The following FYN variants were observed in gnomAD, a reference collection of about 807,000 sequenced individuals.
The protein encoded by FYN is FYN proto-oncogene, Src family tyrosine kinase.
In FYN, 10 loss-of-function variants were observed where a neutral mutation model predicts 70.2. The ratio of observed to expected loss-of-function variants is 0.14; its 90% CI spans 0.09 to 0.24. The LOEUF is 0.24. Among genes scored for constraint, FYN ranks in the 10% least tolerant of loss-of-function variants. The probability of loss-of-function intolerance (pLI) is 1.00; values close to 1 mark genes in which losing one functional copy is unlikely to be tolerated. For synonymous variants in FYN, 236 were observed against 248.6 expected (o/e 0.95, Z 0.48); for missense variants, 319 against 673.1 (o/e 0.47, Z 5.82).
rs1224664280 is a variant in FYN at position 111,718,416 on chromosome 6, T to C, written c.247+1389A>G. On this transcript the variant is annotated intron_variant, in intron 4 of 13. Coordinates refer to ENST00000354650, the MANE Select transcript of FYN (RefSeq NM_002037.5). ...ATCAGGTAGCCTCTTAAACAAAGAC[T>C]CCTCCTGACTACGGTGGAGACCCAC... Among the ~76,000 whole-genome samples, 15 of 152,272 alleles carry C rather than the reference T, an allele frequency of 9.9e-5. No individual in the cohort carries two copies. The East Asian group carries it at 2.5e-3, about 25-fold the overall frequency.
At chr6:111,815,214 A>G (rs1772448887) in intron 2 of FYN, among the ~76,000 whole-genome samples, 1 of 152,158 alleles carries the variant, frequency 6.6e-6, no homozygotes, top group Non-Finnish European at 1.5e-5. Flanking sequence ...CAACACCTCC[A>G]TGTTCTCCAG....
Position 111,759,560 on chromosome 6 carries a change from G to A in FYN, c.-12+21006C>T, listed in dbSNP as rs143724847. On this transcript the variant is annotated intron_variant, in intron 3 of 13. Transcript: ENST00000354650. Reference sequence around the variant, plus strand: ...ACTCCCAGGCACCCAGGCACTCGGTGCCCATTCTCATCAAGGACTGTGGAT... The same window carrying A: ...ACTCCCAGGCACCCAGGCACTCGGTACCCATTCTCATCAAGGACTGTGGAT... 2.3e-3 allele frequency among the ~76,000 whole-genome samples: 346 copies of A among 152,278 alleles called. 1 individual carries two copies. The highest frequency in any genetic ancestry group is 8.0e-3 in the African/African-American group (334 of 41,548).
chr6:111,681,032 A>G (rs974631662), intron 12 of FYN, among the ~76,000 whole-genome samples: 5 of 141,428 alleles, frequency 3.5e-5, no homozygotes, highest in Non-Finnish European at 6.1e-5. Flanking sequence ...ATTTAATTTA[A>G]TTTTTTTTTT....
intron 13 of FYN, among the ~76,000 whole-genome samples, chr6:111,665,169 A>G (rs1797937452): frequency 1.3e-5 from 2 of 152,256 alleles, no homozygotes; most frequent in South Asian, 2.1e-4. Flanking sequence ...AAATATTTGC[A>G]TTATAGGGCT....
At chr6:111,670,320 C>G (rs1370592129) in intron 13 of FYN, among the ~76,000 whole-genome samples, 1 of 152,206 alleles carries the variant, frequency 6.6e-6, no homozygotes, top group African/African-American at 2.4e-5. Context: ...CAGATACCCA[C>G]CTGGCTGGAT....
intron 12 of FYN, among the ~76,000 whole-genome samples, chr6:111,687,962 T>C (rs2128425065): frequency 6.6e-6 from 1 of 152,176 alleles, no homozygotes; most frequent in African/African-American, 2.4e-5. Flanking sequence ...GTCCAGGCCC[T>C]GCCCTCTTTG....
chr6:111,821,498 G>C (rs965403369), intron 2 of FYN, among the ~76,000 whole-genome samples: 4 of 152,094 alleles, frequency 2.6e-5, no homozygotes, highest in Non-Finnish European at 5.9e-5. Context: ...ATGGATTAAA[G>C]ACTTACATGT....
intron 2 of FYN, among the ~76,000 whole-genome samples, chr6:111,784,206 G>A (rs1306421433): frequency 6.6e-6 from 1 of 152,106 alleles, no homozygotes; most frequent in Non-Finnish European, 1.5e-5. Flanking sequence ...CAGAGTGTAG[G>A]TTACTGCATT....
chr6:111,748,781 T>C lies in FYN; in HGVS notation c.-11-28719A>G, dbSNP rs556135085. ...ATGATAATATTTTACACAGGTCGTC[T>C]TAAATTTAAAAATATTAACATTACT... On this transcript the variant is annotated intron_variant, in intron 3 of 13. Transcript: ENST00000354650. Among the ~76,000 whole-genome samples the C allele has an allele frequency of 3.3e-4, 50 of 152,384 alleles. 2 individuals are homozygous for C. The Middle Eastern group carries it at 0.014, about 41-fold the overall frequency.
intron 12 of FYN, among the ~76,000 whole-genome samples, chr6:111,677,505 G>A (rs1194397736): frequency 6.6e-6 from 1 of 152,172 alleles, no homozygotes; most frequent in Non-Finnish European, 1.5e-5. Context: ...TTTGGCAGGT[G>A]TCTTTAAAAC....
At chr6:111,746,891 G>C (rs978247225) in intron 3 of FYN, among the ~76,000 whole-genome samples, 14 of 152,098 alleles carry the variant, frequency 9.2e-5, no homozygotes, top group African/African-American at 3.4e-4. Context: ...GAGAGAGAGA[G>C]AGAATCCCTT....
rs562510034 is a variant in FYN at position 111,681,411 on chromosome 6, T to G, written c.1274-6781A>C. ...CCTGGGCTCAAGTGGTCCTCCTGCC[T>G]TGGTCTCCCAAAGTGCTGGGACTAC... On this transcript the variant is annotated intron_variant, in intron 12 of 13. Transcript: ENST00000354650. Among the ~76,000 whole-genome samples, 3 of 152,322 alleles carry G rather than the reference T, an allele frequency of 2.0e-5. No individual in the cohort carries two copies. In the East Asian group the frequency reaches 5.8e-4, roughly 29 times the overall value.
At chr6:111,805,989 G>A (rs1772135058) in intron 2 of FYN, among the ~76,000 whole-genome samples, 1 of 152,144 alleles carries the variant, frequency 6.6e-6, no homozygotes, top group East Asian at 1.9e-4. Flanking sequence ...CAGCTCTTGA[G>A]GCAGTTGAAG....
intron 2 of FYN, among the ~76,000 whole-genome samples, chr6:111,819,528 C>T (rs925672056): frequency 5.3e-5 from 8 of 152,126 alleles, no homozygotes; most frequent in African/African-American, 1.9e-4. Context: ...GTCTTTAAAA[C>T]ATAGTACTTG....
intron 3 of FYN, among the ~76,000 whole-genome samples, chr6:111,773,596 A>AAGGGATAGAGGGGG (rs1803574354): frequency 5.3e-5 from 1 of 18,992 alleles, no homozygotes; most frequent in Non-Finnish European, 8.6e-5. Flanking sequence ...GGGAAAGGGA[A>AAGGGATAGAGGGGG]AGGGAGAGAG....
chr6:111,773,969 CA>C (rs1170494705), intron 3 of FYN, among the ~76,000 whole-genome samples: 4 of 152,050 alleles, frequency 2.6e-5, no homozygotes, highest in Non-Finnish European at 4.4e-5. Context: ...GATAACAAAT[CA>C]AAAACTTCTG....
In FYN at chr6:111,863,953, T is replaced by C. The variant is rs1774034021; in HGVS notation, c.-123+9015A>G. ...TTGTCTTCCAGAGCTGCCTGCTGAC[T>C]CTTCCCTTCTCACTGTTGTTCCCAG... On this transcript the variant is annotated intron_variant, in intron 1 of 13. Transcript: ENST00000354650. 3.3e-5 allele frequency among the ~76,000 whole-genome samples: 5 copies of C among 152,186 alleles called. No individual in the cohort carries two copies. In the South Asian group the frequency reaches 1.0e-3, roughly 32 times the overall value.
intron 2 of FYN, among the ~76,000 whole-genome samples, chr6:111,795,989 G>A (rs567373836): frequency 1.3e-5 from 2 of 152,276 alleles, no homozygotes; most frequent in Admixed American, 6.5e-5. Context: ...TGTGTGCCAG[G>A]TTCTGGGCTA....
At chr6:111,796,982 A>C (rs556210265) in intron 2 of FYN, among the ~76,000 whole-genome samples, 1 of 152,276 alleles carries the variant, frequency 6.6e-6, no homozygotes. Context: ...ATACTTTAAA[A>C]CACCCACCTC....
Sources: gnomAD v4.1 joint callset for allele counts (sites outside exome capture counted in the v4.1 genomes callset) on GRCh38, gnomAD v4.1.1 for gene constraint, MANE v1.5 for transcripts, NCBI Gene and HGNC (gene_info 2026-07-23, HGNC 2026-07-21) for gene names.